The following GLRA3 variants were observed in gnomAD, a reference collection of about 807,000 sequenced individuals.
GLRA3 encodes glycine receptor alpha 3.
Under a neutral mutation model 60.4 loss-of-function variants are expected in GLRA3, and 44 were observed. The observed-to-expected ratio is 0.73, with a 90% CI of 0.57 to 0.94. The LOEUF is 0.94. Ranked by LOEUF, GLRA3 falls within the 40% of genes least tolerant of loss-of-function variation. The probability of loss-of-function intolerance (pLI) is 0.00; values close to 1 mark genes in which losing one functional copy is unlikely to be tolerated. For synonymous variants in GLRA3, 223 were observed against 192.9 expected, an observed-to-expected ratio of 1.16 and a Z score of -1.29; for missense variants, 508 against 564.6, an observed-to-expected ratio of 0.90 and a Z score of 1.02.
rs1367074051 is a variant in GLRA3, at chr4:174,721,461, CA to C, written c.492-5892del. ...TTGTTATATATAACATATATATACA[CA>C]CATATATATAACATATATAACATAT... On this transcript the variant is annotated intron_variant, in intron 4 of 9. Coordinates refer to ENST00000274093, the MANE Select transcript of GLRA3 (RefSeq NM_006529.4). 3.4e-5 allele frequency among the ~76,000 whole-genome samples: 5 copies of C among 147,938 alleles called. No individual in the cohort carries two copies. In the East Asian group the frequency reaches 7.8e-4, roughly 23 times the overall value.
At chr4:174,721,755 ATGTGTGTATATATATGTGTGTG>A (rs1736137951) in intron 4 of GLRA3, among the ~76,000 whole-genome samples, 1 of 151,562 alleles carries the variant, frequency 6.6e-6, no homozygotes, top group Non-Finnish European at 1.5e-5. Context: ...GGAAAAAAAT[ATGTGTGTATATATATGTGTGTG>A]TGTGTGTATA....
intron 8 of GLRA3, among the ~76,000 whole-genome samples, chr4:174,657,565 T>A (rs10021195): frequency 6.6e-6 from 1 of 151,852 alleles, no homozygotes; most frequent in Non-Finnish European, 1.5e-5. Flanking sequence ...AAGACCAGAG[T>A]GTCATCCCTG....
At chr4:174,676,150 A>G (rs192352073) in intron 7 of GLRA3, among the ~76,000 whole-genome samples, 2 of 152,296 alleles carry the variant, frequency 1.3e-5, no homozygotes, top group East Asian at 3.9e-4. Flanking sequence ...AAATAAATGA[A>G]AAGAGTTTTA....
chr4:174,642,766 C>A lies in GLRA3; in HGVS notation c.*1020G>T, dbSNP rs1443804300. ...TTATATTTGGAGATAGGAGTTGAGA[C>A]CCATAAAACATTGATGGGAAAATGG... On this transcript the variant is annotated 3_prime_UTR_variant, in exon 10 of 10. Coordinates refer to ENST00000274093, the MANE Select transcript of GLRA3 (RefSeq NM_006529.4). 2.6e-6 allele frequency: 2 copies of A among 769,174 alleles called. No individual in the cohort carries two copies. The highest frequency in any genetic ancestry group is 3.2e-6 in the Non-Finnish European group (2 of 633,026). The allele number at this position is 769,174 out of a possible 1,614,324, so 47.6% of individuals were successfully genotyped here. A position where few individuals can be genotyped will look rare whatever the true frequency, so the allele number is the denominator to read the frequency against.
chr4:174,700,423 A>G (rs1224080652), intron 5 of GLRA3, among the ~76,000 whole-genome samples: 2 of 152,178 alleles, frequency 1.3e-5, no homozygotes, highest in African/African-American at 4.8e-5. Flanking sequence ...ATCTGTGGTC[A>G]GTGATATTTG....
chr4:174,710,310 G>A (rs1366445546), intron 5 of GLRA3, among the ~76,000 whole-genome samples: 1 of 151,858 alleles, frequency 6.6e-6, no homozygotes, highest in African/African-American at 2.4e-5. Flanking sequence ...ATAACTCAAA[G>A]TAAATTTTTA....
Position 174,638,217 on chromosome 4 carries a change from G to A in GLRA3, c.*5569C>T, listed in dbSNP as rs891462335. The A allele has an allele frequency of 2.0e-5, 3 of 152,298 alleles. No individual in the cohort carries two copies. The highest frequency in any genetic ancestry group is 6.5e-5 in the Admixed American group (1 of 15,300). The allele number at this position is 152,298 out of a possible 1,614,324, so 9.4% of individuals were successfully genotyped here. A position where few individuals can be genotyped will look rare whatever the true frequency, so the allele number is the denominator to read the frequency against. ...TGGGTGCTCGAAGAATGTGGATAAT[G>A]TAATGGTGAAGATTCTGACATTGGG... On this transcript the variant is annotated 3_prime_UTR_variant, in exon 10 of 10. Transcript: ENST00000274093.
chr4:174,730,203 A>C (rs1281884677), intron 3 of GLRA3, among the ~76,000 whole-genome samples: 1 of 152,208 alleles, frequency 6.6e-6, no homozygotes, highest in African/African-American at 2.4e-5. Flanking sequence ...TATGTGAACA[A>C]GCTTCTACCA....
At chr4:174,683,012 T>C (rs1225372386) in intron 5 of GLRA3, 73 bp from the exon 6 acceptor site, 3 of 1,202,510 alleles carry the variant, frequency 2.5e-6, no homozygotes, top group South Asian at 1.3e-5. Context: ...AATTACTTTA[T>C]AGTCACATAG....
chr4:174,736,516 C>T (rs1310721690), intron 3 of GLRA3, among the ~76,000 whole-genome samples: 1 of 152,000 alleles, frequency 6.6e-6, no homozygotes, highest in South Asian at 2.1e-4. Context: ...ATCTGCTTCC[C>T]GTCCCCATAG....
intron 1 of GLRA3, among the ~76,000 whole-genome samples, chr4:174,802,925 T>C (rs560060916): frequency 5.3e-5 from 8 of 152,220 alleles, no homozygotes; most frequent in Non-Finnish European, 1.0e-4. Flanking sequence ...GGGGTATCTA[T>C]ATTCAGTGCT....
chr4:174,687,647 C>G lies in GLRA3; in HGVS notation c.575-4708G>C, dbSNP rs144245228. On this transcript the variant is annotated intron_variant, in intron 5 of 9. Coordinates refer to ENST00000274093, the MANE Select transcript of GLRA3 (RefSeq NM_006529.4). ...AATGATAAATTTTGAACTTTGAAGT[C>G]AAAATTGGAATTTTGGAGAAATTGT... Among the ~76,000 whole-genome samples the G allele has an allele frequency of 5.6e-3, 851 of 152,170 alleles. 17 individuals carry two copies. Among genetic ancestry groups the G allele is most frequent in the Admixed American group, 0.033 (511 of 15,286 alleles).
intron 6 of GLRA3, among the ~76,000 whole-genome samples, chr4:174,678,234 G>A (rs2110958593): frequency 6.6e-6 from 1 of 152,266 alleles, no homozygotes; most frequent in East Asian, 1.9e-4. Context: ...ACATAGAGGA[G>A]TAAATGATGG....
At chr4:174,761,878 G>A (rs1288592222) in intron 3 of GLRA3, among the ~76,000 whole-genome samples, 1 of 152,060 alleles carries the variant, frequency 6.6e-6, no homozygotes, top group Non-Finnish European at 1.5e-5. Context: ...TTTTGCATAT[G>A]TATTGAATAA....
At chr4:174,789,788 T>C (rs2111306155) in intron 1 of GLRA3, among the ~76,000 whole-genome samples, 1 of 152,302 alleles carries the variant, frequency 6.6e-6, no homozygotes, top group East Asian at 1.9e-4. Flanking sequence ...AGAGTTTTGC[T>C]CAGGAAAGTG....
intron 3 of GLRA3, among the ~76,000 whole-genome samples, chr4:174,752,442 T>C (rs1365506110): frequency 1.3e-5 from 2 of 152,114 alleles, no homozygotes; most frequent in Non-Finnish European, 2.9e-5. Context: ...TTCCGAGGCT[T>C]CCTGAGAGAC....
intron 3 of GLRA3, among the ~76,000 whole-genome samples, chr4:174,732,845 A>T (rs1291592856): frequency 6.6e-5 from 10 of 152,030 alleles, no homozygotes. Context: ...GTATATACAT[A>T]CATATACATA....
chr4:174,779,001 C>T (rs866598896), intron 2 of GLRA3, among the ~76,000 whole-genome samples: 8 of 152,322 alleles, frequency 5.3e-5, no homozygotes, highest in Middle Eastern at 3.4e-3. Context: ...CCTCTGTAGG[C>T]TCCACCTCTG....
At chr4:174,725,862 T>C (rs1251154020) in intron 4 of GLRA3, among the ~76,000 whole-genome samples, 1 of 152,204 alleles carries the variant, frequency 6.6e-6, no homozygotes, top group African/African-American at 2.4e-5. Flanking sequence ...CTTTGTATGA[T>C]TTCTGGTTCT....
Sources: allele counts gnomAD v4.1 joint callset (sites outside exome capture counted in the v4.1 genomes callset), GRCh38; gene constraint gnomAD v4.1.1; transcripts MANE v1.5; gene names NCBI Gene and HGNC (gene_info 2026-07-23, HGNC 2026-07-21).